The following CDKL3 variants were observed in gnomAD, a reference collection of about 807,000 sequenced individuals.
CDKL3 encodes the protein cyclin-dependent kinase-like 3.
CDKL3 carries 65 observed loss-of-function variants against 69.3 expected under a neutral mutation model. That is an observed-to-expected ratio of 0.94 (90% confidence interval 0.77 to 1.15). The LOEUF is 1.15. Among genes scored for constraint, CDKL3 ranks in the 50% most tolerant of loss-of-function variants. The pLI, the probability that CDKL3 is intolerant of heterozygous loss-of-function variation, is 0.00. For synonymous variants in CDKL3, 202 were observed against 221.6 expected, an observed-to-expected ratio of 0.91 and a Z score of 0.79; for missense variants, 652 against 689.2, an observed-to-expected ratio of 0.95 and a Z score of 0.61.
chr5:134,368,787 G>A (rs547442359), upstream of CDKL3, among the ~76,000 whole-genome samples: 11 of 152,222 alleles, frequency 7.2e-5, no homozygotes, highest in South Asian at 2.3e-3. Flanking sequence ...GCTCACACCT[G>A]TAATCCCAGG....
At chr5:134,301,774 C>T (rs1766409762) in intron 12 of CDKL3, among the ~76,000 whole-genome samples, 1 of 151,968 alleles carries the variant, frequency 6.6e-6, no homozygotes, top group African/African-American at 2.4e-5. Context: ...GTAGTCCCAG[C>T]TACTTGGGAG....
chr5:134,314,369 A>C (rs753154175), intron 6 of CDKL3, among the ~76,000 whole-genome samples: 2 of 152,178 alleles, frequency 1.3e-5, no homozygotes, highest in African/African-American at 2.4e-5. Context: ...AAAACATGAC[A>C]CTTTGGGAAA....
At chr5:134,358,530 C>CTTTCCT (rs1554105754) in intron 3 of CDKL3, among the ~76,000 whole-genome samples, 11 of 151,606 alleles carry the variant, frequency 7.3e-5, no homozygotes, top group African/African-American at 2.7e-4. Context: ...TTTTCTTTTC[C>CTTTCCT]TTTTTTTTCT....
intron 3 of CDKL3, among the ~76,000 whole-genome samples, chr5:134,356,448 G>C (rs983450966): frequency 6.6e-6 from 1 of 152,172 alleles, no homozygotes; most frequent in East Asian, 1.9e-4. Context: ...ATGGCATTGG[G>C]AAATTCACTT....
intron 8 of CDKL3, among the ~76,000 whole-genome samples, chr5:134,293,002 CTTTTTTTTTTTTTTTT>C (rs558156596): frequency 1.7e-3 from 75 of 43,902 alleles, no homozygotes; most frequent in African/African-American, 4.3e-3. Context: ...CTGCCAATTT[CTTTTTTTTTTTTTTTT>C]TTTTTTTTTT....
At chr5:134,346,800 A>G (rs925571153) in intron 4 of CDKL3, among the ~76,000 whole-genome samples, 1 of 152,136 alleles carries the variant, frequency 6.6e-6, no homozygotes, top group Non-Finnish European at 1.5e-5. Context: ...CCAGCCGGGA[A>G]AAGGTATTAT....
chr5:134,371,467 T>A, upstream of CDKL3: 2 of 1,182,720 alleles, frequency 1.7e-6, no homozygotes, highest in South Asian at 2.8e-5. Flanking sequence ...GGGTTGTTTG[T>A]CAGTCTCGGC....
chr5:134,284,268 G>T (rs1561479692), downstream of CDKL3, among the ~76,000 whole-genome samples: 1 of 152,220 alleles, frequency 6.6e-6, no homozygotes, highest in Non-Finnish European at 1.5e-5. Flanking sequence ...TTTTACAGCT[G>T]GGCCTCCGGG....
intron 4 of CDKL3, among the ~76,000 whole-genome samples, chr5:134,332,932 A>G (rs1776167231): frequency 6.6e-6 from 1 of 152,140 alleles, no homozygotes; most frequent in Admixed American, 6.6e-5. Context: ...ATGGGCATGG[A>G]ATGTTCTTCC....
chr5:134,346,253 T>C (rs1371678016), intron 4 of CDKL3, among the ~76,000 whole-genome samples: 1 of 152,186 alleles, frequency 6.6e-6, no homozygotes, highest in Non-Finnish European at 1.5e-5. Flanking sequence ...AAACAGGCCT[T>C]GCTGGGTTTA....
chr5:134,365,138 T>G (rs1050186752), intron 2 of CDKL3, among the ~76,000 whole-genome samples: 1 of 151,684 alleles, frequency 6.6e-6, no homozygotes, highest in African/African-American at 2.4e-5. Flanking sequence ...ACCCGCCACC[T>G]CGCCCGGCTA....
At chr5:134,357,003 A>C (rs1754770484) in intron 3 of CDKL3, among the ~76,000 whole-genome samples, 1 of 151,708 alleles carries the variant, frequency 6.6e-6, no homozygotes, top group Non-Finnish European at 1.5e-5. Flanking sequence ...CACGAAACTT[A>C]GCACTTCATC....
rs1340664554 is a variant in CDKL3 at position 134,306,636 on chromosome 5, G to A, written c.1431C>T (p.Ser477=). Residue 477 remains serine, a synonymous_variant, in exon 10 of 13, where the codon AGC becomes AGT. Transcript: ENST00000265334. ...SQSIGQVMPN[S]RQEDPGPIQS... is the part of the protein sequence containing the mutation. ...GAATAGGACCTGGATCCTCTTGCCT[G>A]CTATTAGGCATAACTTGTCCAATAG... The A allele has an allele frequency of 1.4e-5, 23 of 1,593,558 alleles. No individual in the cohort carries two copies. Among genetic ancestry groups the A allele is most frequent in the East Asian group, 2.3e-5 (1 of 43,844 alleles).
At chr5:134,310,912 T>A (rs1769285719) in intron 7 of CDKL3, among the ~76,000 whole-genome samples, 1 of 152,256 alleles carries the variant, frequency 6.6e-6, no homozygotes, top group Admixed American at 6.5e-5. Context: ...CAATAGCAGT[T>A]CCTGGACTCT....
rs1015362610 is a variant in CDKL3, at chr5:134,365,139, C to T, written c.165+1220G>A. On this transcript the variant is annotated intron_variant, in intron 2 of 12. Transcript: ENST00000265334. ...CTGGGACCACAAGCACCCGCCACCTCGCCCGGCTAATTTTTTGTATTTTTT... is the reference window on the plus strand; with the variant it reads ...CTGGGACCACAAGCACCCGCCACCTTGCCCGGCTAATTTTTTGTATTTTTT... Among the ~76,000 whole-genome samples the T allele has an allele frequency of 3.9e-5, 6 of 152,056 alleles. No individual in the cohort carries two copies. In the South Asian group the frequency reaches 1.0e-3, roughly 26 times the overall value.
At chr5:134,299,005 T>C (rs1288406130) in intron 12 of CDKL3, among the ~76,000 whole-genome samples, 3 of 152,072 alleles carry the variant, frequency 2.0e-5, no homozygotes, top group Non-Finnish European at 4.4e-5. Context: ...TCTGAGTAGC[T>C]GGGATTACAG....
chr5:134,324,573 C>T (rs959954968), intron 4 of CDKL3, among the ~76,000 whole-genome samples: 1 of 152,090 alleles, frequency 6.6e-6, no homozygotes, highest in Admixed American at 6.6e-5. Flanking sequence ...ATATATATTG[C>T]TAGGTCAAAG....
intron 12 of CDKL3, among the ~76,000 whole-genome samples, chr5:134,300,474 T>A (rs1395439952): frequency 6.6e-6 from 1 of 152,224 alleles, no homozygotes; most frequent in African/African-American, 2.4e-5. Context: ...CTTATGTTTT[T>A]AAAAATATGT....
intron 4 of CDKL3, among the ~76,000 whole-genome samples, chr5:134,331,741 T>C (rs1775861237): frequency 6.6e-6 from 1 of 152,214 alleles, no homozygotes; most frequent in African/African-American, 2.4e-5. Context: ...TTTGCTATTG[T>C]GAATAGTGCC....
Sources: gnomAD v4.1 joint callset for allele counts (sites outside exome capture counted in the v4.1 genomes callset) on GRCh38, gnomAD v4.1.1 for gene constraint, MANE v1.5 for transcripts, NCBI Gene and HGNC (gene_info 2026-07-23, HGNC 2026-07-21) for gene names.